Variants in DEUP1 observed in about 807,000 individuals in gnomAD.
The protein encoded by DEUP1 is deuterosome assembly protein 1.
DEUP1 carries 82 observed loss-of-function variants against 87.4 expected under a neutral mutation model. The observed-to-expected ratio is 0.94, with a 90% CI of 0.78 to 1.13. The LOEUF is 1.13. Among genes scored for constraint, DEUP1 ranks in the 50% most tolerant of loss-of-function variants. The pLI is 0.00. For missense variants in DEUP1, 663 were observed against 681.5 expected (o/e 0.97, Z 0.30); for synonymous variants, 214 against 222.7 (o/e 0.96, Z 0.35).
chr11:93,394,797 T>C (rs1045979489), intron 10 of DEUP1, 141 bp downstream of exon 10: 11 of 647,496 alleles, frequency 1.7e-5, no homozygotes, highest in Non-Finnish European at 2.8e-5. Context: ...CTTTGTGGTG[T>C]TACATAAAAC....
chr11:93,369,623 T>C (rs1398249624), intron 5 of DEUP1, among the ~76,000 whole-genome samples: 1 of 152,122 alleles, frequency 6.6e-6, no homozygotes, highest in Non-Finnish European at 1.5e-5. Context: ...TTGTTTGTTT[T>C]CCCTAATAGG....
In DEUP1 at chr11:93,406,092, G is replaced by T. The variant is rs545163782; in HGVS notation, c.1327-2139G>T. On this transcript the variant is annotated intron_variant, in intron 11 of 13. Transcript: ENST00000298050. The stretch of plus-strand genomic sequence containing the variant: ...TTTTTAAAATTCTGTGAAAAGTTTA[G>T]ATACTCCCTAGGAAACTTCTTATGT... 2.0e-5 allele frequency among the ~76,000 whole-genome samples: 3 copies of T among 151,898 alleles called. 1 individual carries two copies. The South Asian group carries it at 6.2e-4, about 31-fold the overall frequency.
At chr11:93,430,412 A>G (rs1429837471) in intron 13 of DEUP1, among the ~76,000 whole-genome samples, 1 of 152,222 alleles carries the variant, frequency 6.6e-6, no homozygotes, top group Non-Finnish European at 1.5e-5. Context: ...AAAAGCAGCT[A>G]TGCCAAAAAA....
At position 93,396,313 on chromosome 11, in the gene DEUP1, C is replaced by T. The variant is rs184478767; in HGVS notation, c.1314C>T (p.Pro438=). 91 of 1,561,878 alleles carry T rather than the reference C, an allele frequency of 5.8e-5. 1 individual carries two copies. The African/African-American group carries it at 5.9e-4, about 10-fold the overall frequency. ...AAGGAATGATGGGAGATTTAGACCC[C>T]GGAGAATACATGGTAATATGCTGAC... ...HLKGMMGDLD[P]GEYMSMDFTN... is the part of the protein sequence containing the mutation. Residue 438 remains proline (P), a synonymous_variant, in exon 11 of 14, where the codon CCC becomes CCT. Transcript: ENST00000298050.
intron 11 of DEUP1, among the ~76,000 whole-genome samples, chr11:93,399,705 ATTAAT>A: frequency 6.6e-6 from 1 of 151,990 alleles, no homozygotes; most frequent in East Asian, 1.9e-4. Context: ...AAATTATCTT[ATTAAT>A]TTAAGTAGGC....
At chr11:93,346,839 C>T (rs1344120635) in intron 2 of DEUP1, among the ~76,000 whole-genome samples, 2 of 152,148 alleles carry the variant, frequency 1.3e-5, no homozygotes, top group Non-Finnish European at 2.9e-5. Context: ...ATTTGGCTCT[C>T]AGCTTAACTG....
At chr11:93,409,595 G>A (rs560217397) in intron 12 of DEUP1, among the ~76,000 whole-genome samples, 31 of 152,186 alleles carry the variant, frequency 2.0e-4, no homozygotes, top group African/African-American at 6.0e-4. Flanking sequence ...GCCAAGAAAC[G>A]GCAGATTAGT....
chr11:93,392,933 C>T (rs1946809085), intron 9 of DEUP1, among the ~76,000 whole-genome samples: 1 of 87,970 alleles, frequency 1.1e-5, no homozygotes, highest in Non-Finnish European at 2.7e-5. Context: ...CCTCCCTCCT[C>T]TTCCTCCTCC....
intron 2 of DEUP1, chr11:93,352,452 C>A: frequency 1.4e-6 from 1 of 697,110 alleles, no homozygotes; most frequent in Non-Finnish European, 2.6e-6. Context: ...TTGCTATAGT[C>A]CTAGCTGTTA....
chr11:93,368,330 T>C (rs901373628), intron 5 of DEUP1, among the ~76,000 whole-genome samples: 5 of 152,230 alleles, frequency 3.3e-5, no homozygotes, highest in Non-Finnish European at 5.9e-5. Context: ...TGGAGGCTGG[T>C]AGTCCAAAAT....
Position 93,391,073 on chromosome 11 carries a change from C to G in DEUP1, c.1041+1948C>G, listed in dbSNP as rs563520511. 1.7e-3 allele frequency among the ~76,000 whole-genome samples: 233 copies of G among 139,544 alleles called. 1 individual carries two copies. Among genetic ancestry groups the G allele is most frequent in the African/African-American group, 6.2e-3 (224 of 35,906 alleles). 91.5% of individuals were successfully genotyped at this position (139,544 alleles called of 152,430 possible). On this transcript the variant is annotated intron_variant, in intron 9 of 13. Coordinates refer to ENST00000298050, the MANE Select transcript of DEUP1 (RefSeq NM_181645.4). ...CTCCAGCCTGGGCGACAGAGCAAGA[C>G]TCTGTCTCAGGAAAAAAAAAAAAAA...
intron 11 of DEUP1, among the ~76,000 whole-genome samples, chr11:93,404,606 T>A (rs900716090): frequency 2.0e-5 from 3 of 152,174 alleles, no homozygotes; most frequent in Admixed American, 6.6e-5. Context: ...TAAATATGCA[T>A]AAGAAGAAAA....
At chr11:93,334,161 T>C (rs1943632734) in intron 2 of DEUP1, among the ~76,000 whole-genome samples, 1 of 152,098 alleles carries the variant, frequency 6.6e-6, no homozygotes. Flanking sequence ...CCTACCACGG[T>C]CTCCAAAGCA....
chr11:93,330,738 C>T (rs568299064), upstream of DEUP1: 19 of 152,798 alleles, frequency 1.2e-4, no homozygotes, highest in African/African-American at 4.3e-4. Context: ...TGCGCCCTCG[C>T]CTCAGACCTC....
chr11:93,343,904 T>G (rs1231890273), intron 2 of DEUP1, among the ~76,000 whole-genome samples: 1 of 152,094 alleles, frequency 6.6e-6, no homozygotes, highest in African/African-American at 2.4e-5. Flanking sequence ...TTATTGCAAA[T>G]GAGGGAAATG....
intron 10 of DEUP1, 78 bp downstream of exon 10, chr11:93,394,734 A>C: frequency 1.1e-6 from 1 of 904,876 alleles, no homozygotes; most frequent in South Asian, 2.0e-5. Flanking sequence ...TTATTGACTA[A>C]TGAAAACATT....
At chr11:93,359,633 A>G (rs563715308) in intron 4 of DEUP1, among the ~76,000 whole-genome samples, 1 of 152,298 alleles carries the variant, frequency 6.6e-6, no homozygotes, top group South Asian at 2.1e-4. Flanking sequence ...GGGTGCAAAC[A>G]AACAAAAAGA....
intron 7 of DEUP1, among the ~76,000 whole-genome samples, chr11:93,385,128 AG>A (rs2134321748): frequency 6.6e-6 from 1 of 152,314 alleles, no homozygotes; most frequent in African/African-American, 2.4e-5. Context: ...AGGTTAAGGC[AG>A]GAGAATTGGT....
chr11:93,357,721 T>C (rs2925355), intron 4 of DEUP1, among the ~76,000 whole-genome samples: 125,553 of 152,134 alleles, frequency 0.83, 51,929 homozygotes, highest in East Asian at 0.89. Flanking sequence ...TTTTACTTTA[T>C]GACCAACTTT....
Sources: allele counts gnomAD v4.1 joint callset (sites outside exome capture counted in the v4.1 genomes callset), GRCh38; gene constraint gnomAD v4.1.1; transcripts MANE v1.5; gene names NCBI Gene and HGNC (gene_info 2026-07-23, HGNC 2026-07-21).